Variants in ROBO1 observed in about 807,000 individuals in gnomAD.
ROBO1 encodes roundabout homolog 1.
A neutral mutation model predicts 195.9 loss-of-function variants in ROBO1; 149 were observed. That is an observed-to-expected ratio of 0.76 (90% CI 0.67 to 0.87). The LOEUF (loss-of-function observed/expected upper bound fraction) is 0.87, where lower values mean the gene tolerates loss of function less well. ROBO1 is among the 40% of genes least tolerant of loss of function. The pLI is 0.00. For synonymous variants in ROBO1, 816 were observed against 733.2 expected (o/e 1.11, Z -1.82); for missense variants, 1,933 against 2,068.3 (o/e 0.93, Z 1.27).
chr3:78,675,956 C>T (rs928820865), intron 10 of ROBO1, among the ~76,000 whole-genome samples: 10 of 151,926 alleles, frequency 6.6e-5, no homozygotes, highest in South Asian at 2.1e-4. Flanking sequence ...CTCACAGGGC[C>T]GGGTACTCCT....
intron 2 of ROBO1, among the ~76,000 whole-genome samples, chr3:79,544,370 CTT>C (rs574827151): frequency 9.6e-4 from 146 of 151,756 alleles, no homozygotes; most frequent in African/African-American, 3.4e-3. Flanking sequence ...AATATTTACA[CTT>C]AAAATTTAAT....
chr3:79,641,985 C>T (rs1945677178), intron 1 of ROBO1, among the ~76,000 whole-genome samples: 1 of 152,102 alleles, frequency 6.6e-6, no homozygotes, highest in African/African-American at 2.4e-5. Context: ...TGTCACTGTG[C>T]TCCATCCTGG....
intron 2 of ROBO1, among the ~76,000 whole-genome samples, chr3:79,248,644 G>A (rs903726820): frequency 2.6e-5 from 4 of 152,166 alleles, no homozygotes; most frequent in African/African-American, 9.7e-5. Flanking sequence ...TTGGGAGGCA[G>A]TGCTGGAAGC....
At chr3:78,937,398 A>C (rs1201950383) in intron 4 of ROBO1, among the ~76,000 whole-genome samples, 1 of 151,958 alleles carries the variant, frequency 6.6e-6, no homozygotes, top group Non-Finnish European at 1.5e-5. Context: ...TCTTGGAAAA[A>C]CATCATATAT....
At chr3:78,684,148 G>A (rs533349628) in intron 10 of ROBO1, among the ~76,000 whole-genome samples, 1 of 152,070 alleles carries the variant, frequency 6.6e-6, no homozygotes, top group African/African-American at 2.4e-5. Context: ...AAAATCCAAA[G>A]CTGAAAATAC....
At chr3:79,143,797 C>G (rs1011929470) in intron 2 of ROBO1, among the ~76,000 whole-genome samples, 1 of 152,000 alleles carries the variant, frequency 6.6e-6, no homozygotes, top group East Asian at 1.9e-4. Flanking sequence ...GATAAAGGGT[C>G]TTGCCACCAT....
Position 78,931,236 on chromosome 3 carries a change from CTTTTTTTTT to C in ROBO1, c.499+7356_499+7364del, listed in dbSNP as rs71127369. Among the ~76,000 whole-genome samples the C allele has an allele frequency of 3.0e-3, 240 of 79,228 alleles. 2 individuals are homozygous for C. The highest frequency in any genetic ancestry group is 8.5e-3 in the African/African-American group (187 of 22,082). The allele number at this position is 79,228 out of a possible 152,430, so 52.0% of individuals were successfully genotyped here. ...AAACAACATTTTCTTTTCTTTCTTT[CTTTTTTTTT>C]TTTTTTTTTTTTTTGAGACAGTTTC... On this transcript the variant is annotated intron_variant, in intron 4 of 30. Coordinates refer to ENST00000464233, the MANE Select transcript of ROBO1 (RefSeq NM_002941.4).
At chr3:78,725,189 G>C (rs745723140) in intron 5 of ROBO1, among the ~76,000 whole-genome samples, 15 of 152,252 alleles carry the variant, frequency 9.9e-5, no homozygotes, top group Non-Finnish European at 1.6e-4. Context: ...ATAAGCGCTA[G>C]ACAGTGCTTA....
At chr3:79,425,435 T>C (rs1210615382) in intron 2 of ROBO1, among the ~76,000 whole-genome samples, 2 of 152,162 alleles carry the variant, frequency 1.3e-5, no homozygotes, top group Non-Finnish European at 2.9e-5. Flanking sequence ...AATGCTATGA[T>C]AGGTCAGGTT....
chr3:79,412,847 A>G lies in ROBO1; in HGVS notation c.88+176977T>C, dbSNP rs1052774651. 8.8e-5 allele frequency among the ~76,000 whole-genome samples: 11 copies of G among 124,788 alleles called. No homozygotes were observed. The South Asian group carries it at 2.4e-3, about 27-fold the overall frequency. The allele number at this position is 124,788 out of a possible 152,430, so 81.9% of individuals were successfully genotyped here. The stretch of plus-strand genomic sequence containing the variant: ...ATATTCCATCTCTCCTGTTTTCTGG[A>G]GAATGATTTTATTGCCTCATGAGCT... On this transcript the variant is annotated intron_variant, in intron 2 of 30. Transcript: ENST00000464233.
intron 1 of ROBO1, among the ~76,000 whole-genome samples, chr3:79,728,349 T>C (rs942709193): frequency 2.0e-5 from 3 of 152,118 alleles, no homozygotes; most frequent in Non-Finnish European, 4.4e-5. Context: ...AATATGCCAA[T>C]GGGTTGTCAC....
chr3:79,551,954 C>T (rs1353688947), intron 2 of ROBO1, among the ~76,000 whole-genome samples: 2 of 127,500 alleles, frequency 1.6e-5, no homozygotes, highest in Non-Finnish European at 3.1e-5. Context: ...CTCTTCAGCT[C>T]CTGTCCTTTG....
At chr3:78,770,597 GT>G (rs2083348639) in intron 4 of ROBO1, among the ~76,000 whole-genome samples, 1 of 152,286 alleles carries the variant, frequency 6.6e-6, no homozygotes, top group African/African-American at 2.4e-5. Flanking sequence ...TGGGTTGATA[GT>G]TTCTTTTGCT....
chr3:79,200,464 C>T (rs1267990303), intron 2 of ROBO1, among the ~76,000 whole-genome samples: 2 of 151,358 alleles, frequency 1.3e-5, no homozygotes, highest in South Asian at 2.1e-4. Flanking sequence ...CTTAATTTTG[C>T]TAACTCTTAT....
At chr3:79,636,949 A>G (rs1272543958) in intron 1 of ROBO1, among the ~76,000 whole-genome samples, 1 of 152,232 alleles carries the variant, frequency 6.6e-6, no homozygotes, top group Non-Finnish European at 1.5e-5. Context: ...CTTCTTATGA[A>G]AAATTTTGAA....
intron 3 of ROBO1, among the ~76,000 whole-genome samples, chr3:78,985,231 T>A (rs560018739): frequency 2.0e-5 from 3 of 152,116 alleles, no homozygotes; most frequent in Admixed American, 2.0e-4. Flanking sequence ...GCCCAAAAAG[T>A]TGAGGCTGCA....
chr3:79,004,216 G>A (rs1576548141), intron 3 of ROBO1, among the ~76,000 whole-genome samples: 1 of 152,004 alleles, frequency 6.6e-6, no homozygotes, highest in East Asian at 1.9e-4. Context: ...TTTTAAACAT[G>A]GGGATGTAAA....
intron 4 of ROBO1, among the ~76,000 whole-genome samples, chr3:78,861,540 A>G (rs2034837972): frequency 7.2e-5 from 11 of 152,188 alleles, no homozygotes; most frequent in Admixed American, 7.2e-4. Context: ...ACAAATTCCC[A>G]TTTTCATTAC....
At chr3:79,460,084 T>C (rs2039755681) in intron 2 of ROBO1, among the ~76,000 whole-genome samples, 1 of 152,144 alleles carries the variant, frequency 6.6e-6, no homozygotes, top group South Asian at 2.1e-4. Context: ...AAGACATCAG[T>C]TCCTTTTATA....
Sources: gnomAD v4.1 joint callset for allele counts (sites outside exome capture counted in the v4.1 genomes callset) on GRCh38, gnomAD v4.1.1 for gene constraint, MANE v1.5 for transcripts, NCBI Gene and HGNC (gene_info 2026-07-23, HGNC 2026-07-21) for gene names.